The following HNRNPR variants were observed in gnomAD, a reference collection of about 807,000 sequenced individuals.
HNRNPR encodes heterogeneous nuclear ribonucleoprotein R.
A neutral mutation model predicts 70.3 loss-of-function variants in HNRNPR; 4 were observed. The observed-to-expected ratio is 0.06, with a 90% confidence interval of 0.03 to 0.13. The LOEUF (loss-of-function observed/expected upper bound fraction) is 0.13, where lower values mean the gene tolerates loss of function less well. Among genes scored for constraint, HNRNPR ranks in the 10% least tolerant of loss-of-function variants. The pLI, the probability that HNRNPR is intolerant of heterozygous loss-of-function variation, is 1.00. For synonymous variants in HNRNPR, 241 were observed against 267.6 expected, an observed-to-expected ratio of 0.90 and a Z score of 0.97; for missense variants, 423 against 788.5, an observed-to-expected ratio of 0.54 and a Z score of 5.55.
At chr1:23,314,245 T>C (rs1052146742) in intron 8 of HNRNPR, among the ~76,000 whole-genome samples, 2 of 152,124 alleles carry the variant, frequency 1.3e-5, no homozygotes, top group East Asian at 1.9e-4. Context: ...ATTGAAAATT[T>C]AAATAATAAA....
At chr1:23,328,487 G>A (rs149356077) in intron 5 of HNRNPR, among the ~76,000 whole-genome samples, 127 of 152,176 alleles carry the variant, frequency 8.3e-4, no homozygotes, top group African/African-American at 2.9e-3. Context: ...AGCAAGTTTC[G>A]TTTTTTGTTG....
At chr1:23,334,186 G>A (rs545229000) in intron 4 of HNRNPR, among the ~76,000 whole-genome samples, 2 of 146,882 alleles carry the variant, frequency 1.4e-5, no homozygotes, top group African/African-American at 2.5e-5. Flanking sequence ...AGTGCTAGGA[G>A]TACAGGTGTG....
In HNRNPR at chr1:23,306,641, A is replaced by C. The variant is rs921507921; in HGVS notation, c.*3813T>G. On this transcript the variant is annotated 3_prime_UTR_variant, in exon 11 of 11. Coordinates refer to ENST00000302271, the MANE Select transcript of HNRNPR (RefSeq NM_005826.5). ...AAAACCAGAGCTTCTGGTAACCTCT[A>C]AATAAAAAAGTATATATATGTACTT... 1.3e-5 allele frequency: 2 copies of C among 152,108 alleles called. No individual in the cohort carries two copies. Among genetic ancestry groups the C allele is most frequent in the African/African-American group, 2.4e-5 (1 of 41,444 alleles). The allele number at this position is 152,108 out of a possible 1,614,324, so 9.4% of individuals were successfully genotyped here. A position where few individuals can be genotyped will look rare whatever the true frequency, so the allele number is the denominator to read the frequency against.
chr1:23,336,151 A>C (rs1211926912), intron 4 of HNRNPR, among the ~76,000 whole-genome samples: 5 of 142,616 alleles, frequency 3.5e-5, no homozygotes, highest in African/African-American at 1.3e-4. Context: ...CAGGCCGGAT[A>C]TGGTGGCTCA....
intron 5 of HNRNPR, among the ~76,000 whole-genome samples, chr1:23,330,586 C>T (rs891722316): frequency 6.6e-6 from 1 of 152,126 alleles, no homozygotes; most frequent in Non-Finnish European, 1.5e-5. Flanking sequence ...CTTAACAATA[C>T]TAGCTGAAGA....
chr1:23,320,466 C>T (rs954887295), intron 7 of HNRNPR, among the ~76,000 whole-genome samples: 24 of 152,072 alleles, frequency 1.6e-4, no homozygotes, highest in Non-Finnish European at 2.6e-4. Context: ...GATGGTTCAC[C>T]AATGTAGATG....
intron 5 of HNRNPR, among the ~76,000 whole-genome samples, chr1:23,328,349 A>G (rs1646079126): frequency 6.6e-6 from 1 of 152,220 alleles, no homozygotes. Flanking sequence ...TCAGGTGAAC[A>G]GGGCAATCTG....
At chr1:23,319,539 A>G (rs1159302073) in intron 7 of HNRNPR, among the ~76,000 whole-genome samples, 1 of 152,148 alleles carries the variant, frequency 6.6e-6, no homozygotes, top group East Asian at 1.9e-4. Flanking sequence ...CTGTATCTGT[A>G]CTAGTATGAC....
chr1:23,332,035 G>A (rs1646253691), intron 5 of HNRNPR, among the ~76,000 whole-genome samples: 1 of 151,908 alleles, frequency 6.6e-6, no homozygotes. Flanking sequence ...GGGAGGTTAA[G>A]GCAGGAGAAT....
intron 7 of HNRNPR, among the ~76,000 whole-genome samples, chr1:23,319,857 T>C (rs865857621): frequency 2.2e-4 from 33 of 152,224 alleles, no homozygotes; most frequent in African/African-American, 7.5e-4. Context: ...TGTCTTGGAA[T>C]GCACTTCCTT....
chr1:23,315,279 CAAAAAAAAAA>C (rs1165980444), intron 8 of HNRNPR, among the ~76,000 whole-genome samples: 2 of 35,376 alleles, frequency 5.7e-5, no homozygotes, highest in Non-Finnish European at 1.2e-4. Flanking sequence ...GGCTCCGTCT[CAAAAAAAAAA>C]AAAAAAAAAA....
chr1:23,335,852 TCAC>T (rs1205695312), intron 4 of HNRNPR, among the ~76,000 whole-genome samples: 1 of 151,992 alleles, frequency 6.6e-6, no homozygotes, highest in Non-Finnish European at 1.5e-5. Flanking sequence ...GCGCGGTGGC[TCAC>T]GCCTGTAATC....
At chr1:23,338,964 T>C (rs1646609066) in intron 2 of HNRNPR, among the ~76,000 whole-genome samples, 2 of 152,174 alleles carry the variant, frequency 1.3e-5, no homozygotes, top group Non-Finnish European at 2.9e-5. Context: ...AAATTTTGGT[T>C]TATATTAGAG....
At chr1:23,338,647 AAAGGGGTAATCT>A in intron 2 of HNRNPR, 39 bp from the exon 3 acceptor site, 1 of 984,458 alleles carries the variant, frequency 1.0e-6, no homozygotes, top group Non-Finnish European at 1.6e-6. Context: ...TATTGCAACA[AAAGGGGTAATCT>A]AAGCTCTACT....
At chr1:23,321,755 C>A in intron 6 of HNRNPR, 92 bp from the exon 7 acceptor site, 1 of 1,283,352 alleles carries the variant, frequency 7.8e-7, no homozygotes, top group Non-Finnish European at 1.1e-6. Flanking sequence ...TAAGGCCAAA[C>A]GCTCCCTGCT....
intron 5 of HNRNPR, among the ~76,000 whole-genome samples, chr1:23,326,444 A>G (rs955350477): frequency 6.6e-6 from 1 of 152,138 alleles, no homozygotes; most frequent in African/African-American, 2.4e-5. Flanking sequence ...CTCTAACTCG[A>G]GCTGTATACC....
In HNRNPR at chr1:23,309,193, T is replaced by C. The variant is rs1645252149; in HGVS notation, c.*1261A>G. ...GAAAGTCAAAGGTATTACTACTGGA[T>C]ATTTTTAAGCCTCTCTTACAAGGCA... On this transcript the variant is annotated 3_prime_UTR_variant, in exon 11 of 11. Coordinates refer to ENST00000302271, the MANE Select transcript of HNRNPR (RefSeq NM_005826.5). 1 of 152,160 alleles carries C rather than the reference T, an allele frequency of 6.6e-6. No homozygotes were observed. The highest frequency in any genetic ancestry group is 2.4e-5 in the African/African-American group (1 of 41,466). 9.4% of individuals were successfully genotyped at this position (152,160 alleles called of 1,614,324 possible).
At position 23,305,139 on chromosome 1, in the gene HNRNPR, ATT is replaced by A. The variant is rs1645184942; in HGVS notation, c.*5313_*5314del. The A allele has an allele frequency of 6.6e-6, 1 of 152,164 alleles. No individual in the cohort carries two copies. Among genetic ancestry groups the A allele is most frequent in the Non-Finnish European group, 1.5e-5 (1 of 68,008 alleles). 9.4% of individuals were successfully genotyped at this position (152,164 alleles called of 1,614,324 possible). A position where few individuals can be genotyped will look rare whatever the true frequency, so the allele number is the denominator to read the frequency against. ...CTCCTTTGTTGGTTCCACAAAATGT[ATT>A]TTGTTTTTAGTGTTTAAAGTCAACA... On this transcript the variant is annotated 3_prime_UTR_variant, in exon 11 of 11. Coordinates refer to ENST00000302271, the MANE Select transcript of HNRNPR (RefSeq NM_005826.5).
At position 23,318,668 on chromosome 1, in the gene HNRNPR, G is replaced by C; in HGVS notation, c.832C>G (p.Leu278Val). Residue 278 changes from leucine (L) to valine (V), a missense_variant, in exon 8 of 11, where the codon CTC (leucine) becomes GTC (valine). By Grantham distance (32) the Leu-to-Val change is conservative (BLOSUM62 1). This residue lies in a region of HNRNPR where 118 missense variants were observed against 239.3 expected (regional missense o/e 0.49). Transcript: ENST00000302271. The surrounding 1 kb of genome is among the most constrained non-coding windows in gnomAD (Gnocchi z 4.2). ...KVTEGLVDVI[L>V]YHQPDDKKKN... ...TTTTTGTCATCGGGTTGATGATAGA[G>C]AATAACGTCCACCAAACCCTCTGTT... is the stretch of plus-strand genomic sequence containing the variant. 3 of 1,614,156 alleles carry C rather than the reference G, an allele frequency of 1.9e-6. No homozygotes were observed. Among genetic ancestry groups the C allele is most frequent in the Non-Finnish European group, 1.7e-6 (2 of 1,180,026 alleles).
Sources: gnomAD v4.1 joint callset for allele counts (sites outside exome capture counted in the v4.1 genomes callset) on GRCh38, gnomAD v4.1.1 for gene constraint, gnomAD v4.1.1 regional missense constraint, Gnocchi (gnomAD v3.1) non-coding constraint, MANE v1.5 for transcripts, NCBI Gene and HGNC (gene_info 2026-07-23, HGNC 2026-07-21) for gene names.